SP4: variants seen among roughly 807,000 people sequenced by gnomAD.
The protein encoded by SP4 is Sp4 transcription factor.
SP4 carries 19 observed loss-of-function variants against 72.8 expected under a neutral mutation model. The observed-to-expected ratio is 0.26, with a 90% CI of 0.18 to 0.38. The LOEUF is 0.38. SP4 is among the 10% of genes least tolerant of loss of function. The pLI, the probability that SP4 is intolerant of heterozygous loss-of-function variation, is 1.00. For missense variants in SP4, 1,008 were observed against 926.3 expected (o/e 1.09, Z -1.14); for synonymous variants, 395 against 333.1 (o/e 1.19, Z -2.02).
At chr7:21,464,228 C>T (rs1236993323) in intron 3 of SP4, among the ~76,000 whole-genome samples, 1 of 150,176 alleles carries the variant, frequency 6.7e-6, no homozygotes, top group African/African-American at 2.5e-5. Context: ...TCCCGAGTAG[C>T]TGGGACTACA....
chr7:21,467,591 T>C (rs1289331399), intron 3 of SP4, among the ~76,000 whole-genome samples: 2 of 152,186 alleles, frequency 1.3e-5, no homozygotes, highest in African/African-American at 4.8e-5. Context: ...TGCTTGCTTA[T>C]TTTAAGTCAG....
At chr7:21,444,387 A>G (rs1195145422) in intron 3 of SP4, among the ~76,000 whole-genome samples, 1 of 152,252 alleles carries the variant, frequency 6.6e-6, no homozygotes, top group Admixed American at 6.5e-5. Flanking sequence ...TGCATGCAGC[A>G]CTTGATCTAT....
intron 3 of SP4, among the ~76,000 whole-genome samples, chr7:21,431,902 GTTC>G (rs1234176552): frequency 6.6e-6 from 1 of 152,116 alleles, no homozygotes; most frequent in Non-Finnish European, 1.5e-5. Flanking sequence ...TTACGCTAGG[GTTC>G]TTCTTTTATG....
At position 21,511,068 on chromosome 7, in the gene SP4, G is replaced by C; in HGVS notation, c.2154G>C (p.Arg718=). The C allele has an allele frequency of 6.2e-7, 1 of 1,614,086 alleles. No homozygotes were observed. Among genetic ancestry groups the C allele is most frequent in the Non-Finnish European group, 8.5e-7 (1 of 1,179,958 alleles). ...CGGAATGTTCTAAAAGGTTTATGCG[G>C]AGTGATCATCTCTCCAAACATGTCA... The part of the protein sequence containing the change: ...ECPECSKRFM[R]SDHLSKHVKT... Residue 718 remains arginine (R), a synonymous_variant, in exon 6 of 6, where the codon CGG becomes CGC. Coordinates refer to ENST00000222584, the MANE Select transcript of SP4 (RefSeq NM_003112.5).
At chr7:21,486,435 G>A (rs997164733) in intron 5 of SP4, among the ~76,000 whole-genome samples, 1 of 151,982 alleles carries the variant, frequency 6.6e-6, no homozygotes, top group Non-Finnish European at 1.5e-5. Context: ...ATAACACACT[G>A]CATTTGTTTG....
chr7:21,455,048 A>C (rs1270905883), intron 3 of SP4, among the ~76,000 whole-genome samples: 1 of 152,166 alleles, frequency 6.6e-6, no homozygotes, highest in Non-Finnish European at 1.5e-5. Flanking sequence ...TGATGGCAAC[A>C]ATGTCTGATT....
chr7:21,485,046 G>A (rs1380755124), intron 5 of SP4, among the ~76,000 whole-genome samples: 1 of 151,660 alleles, frequency 6.6e-6, no homozygotes, highest in African/African-American at 2.4e-5. Flanking sequence ...AAAACAGGTT[G>A]ACACTAAAAA....
intron 3 of SP4, among the ~76,000 whole-genome samples, chr7:21,449,821 TG>T (rs1783536473): frequency 6.6e-6 from 1 of 152,110 alleles, no homozygotes; most frequent in South Asian, 2.1e-4. Flanking sequence ...GACATTCAAA[TG>T]TAAGCATTTT....
chr7:21,439,896 G>A lies in SP4; in HGVS notation c.1678+9053G>A, dbSNP rs138032849. On this transcript the variant is annotated intron_variant, in intron 3 of 5. Transcript: ENST00000222584. ...AGTCTGGGTGAGAGAGTGAGACCTT[G>A]TCTCTTAAAAATATGTCTCTCTGTA... Among the ~76,000 whole-genome samples, 99 of 152,252 alleles carry A rather than the reference G, an allele frequency of 6.5e-4. 2 individuals are homozygous for A. The East Asian group carries it at 0.016, about 25-fold the overall frequency.
chr7:21,459,446 C>T (rs1438027760), intron 3 of SP4, among the ~76,000 whole-genome samples: 1 of 152,228 alleles, frequency 6.6e-6, no homozygotes, highest in East Asian at 1.9e-4. Flanking sequence ...ACACAAGCTG[C>T]CAGCTTGCCA....
In SP4 at chr7:21,430,117, CCCT is replaced by C. The variant is rs778513287; in HGVS notation, c.961_963del (p.Ser321del). ...TTCTGCCAGTACTATGCCAGAATCT[CCCT>C]CCTCCTCCACTACCTGCACAACCAC... On this transcript the variant is annotated inframe_deletion, in exon 3 of 6. Transcript: ENST00000222584. 6.2e-6 allele frequency: 10 copies of C among 1,614,012 alleles called. No individual in the cohort carries two copies. The East Asian group carries it at 6.7e-5, about 11-fold the overall frequency.
intron 3 of SP4, 92 bp from the exon 4 acceptor site, chr7:21,476,986 GA>G (rs1784517810): frequency 1.1e-6 from 1 of 904,444 alleles, no homozygotes; most frequent in African/African-American, 1.7e-5. Flanking sequence ...CAGATTGTTA[GA>G]AAAAATTTAT....
chr7:21,428,128 C>G lies in SP4; in HGVS notation c.-124C>G. On this transcript the variant is annotated 5_prime_UTR_variant, in exon 1 of 6. Coordinates refer to ENST00000222584, the MANE Select transcript of SP4 (RefSeq NM_003112.5). ...CGCGGAAAAAGAGGCAGAGCCTGTG[C>G]CAGCTACAGCCTCCTCCGAGCCACC... The G allele has an allele frequency of 1.4e-6, 1 of 712,910 alleles. No individual in the cohort carries two copies. Among genetic ancestry groups the G allele is most frequent in the Non-Finnish European group, 2.6e-6 (1 of 383,410 alleles). 44.2% of individuals were successfully genotyped at this position (712,910 alleles called of 1,614,324 possible).
At chr7:21,490,966 G>C (rs1382407006) in intron 5 of SP4, among the ~76,000 whole-genome samples, 1 of 152,158 alleles carries the variant, frequency 6.6e-6, no homozygotes, top group Non-Finnish European at 1.5e-5. Flanking sequence ...TTTTAACAGG[G>C]CCTAAAGTCT....
At position 21,513,956 on chromosome 7, in the gene SP4, A is replaced by G. The variant is rs1430254979; in HGVS notation, c.*2687A>G. On this transcript the variant is annotated 3_prime_UTR_variant, in exon 6 of 6. Transcript: ENST00000222584. ...TGTCCTTTATTTGACTCAGTGGGAT[A>G]TAGCTGTTATAAGTAATAGGGCACA... 6.6e-6 allele frequency: 1 copy of G among 152,616 alleles called. No homozygotes were observed. The highest frequency in any genetic ancestry group is 3.1e-3 in the Middle Eastern group (1 of 318). The allele number at this position is 152,616 out of a possible 1,614,324, so 9.5% of individuals were successfully genotyped here. A position where few individuals can be genotyped will look rare whatever the true frequency, so the allele number is the denominator to read the frequency against.
chr7:21,450,971 G>C (rs1373229502), intron 3 of SP4, among the ~76,000 whole-genome samples: 2 of 152,214 alleles, frequency 1.3e-5, no homozygotes, highest in Non-Finnish European at 2.9e-5. Flanking sequence ...AGAGTCAAGT[G>C]TGTGGTTTGA....
intron 3 of SP4, among the ~76,000 whole-genome samples, chr7:21,466,255 G>C (rs186650503): frequency 1.3e-5 from 2 of 152,182 alleles, no homozygotes; most frequent in Non-Finnish European, 2.9e-5. Context: ...GAAGTTTGCT[G>C]TATGAATAAA....
At chr7:21,485,875 G>T (rs1017518102) in intron 5 of SP4, among the ~76,000 whole-genome samples, 4 of 151,856 alleles carry the variant, frequency 2.6e-5, no homozygotes, top group African/African-American at 4.8e-5. Flanking sequence ...TGTTCCAGGG[G>T]TATTATCTTG....
chr7:21,428,616 C>T, intron 1 of SP4, 61 bp from the exon 2 acceptor site: 1 of 1,450,854 alleles, frequency 6.9e-7, no homozygotes, highest in Non-Finnish European at 9.3e-7. Flanking sequence ...AGGAAGAAGA[C>T]GAATAATAAT....
Sources: allele counts gnomAD v4.1 joint callset (sites outside exome capture counted in the v4.1 genomes callset), GRCh38; gene constraint gnomAD v4.1.1; transcripts MANE v1.5; gene names NCBI Gene and HGNC (gene_info 2026-07-23, HGNC 2026-07-21).